Variants in TBC1D4 observed in about 807,000 individuals in gnomAD.
TBC1D4 encodes TBC (Tre-2, BUB2, CDC16) domain-containing protein.
Under a neutral mutation model 142.5 loss-of-function variants are expected in TBC1D4, and 121 were observed. The ratio of observed to expected loss-of-function variants is 0.85; its 90% CI spans 0.73 to 0.99. The LOEUF (loss-of-function observed/expected upper bound fraction) is 0.99. Among genes scored for constraint, TBC1D4 ranks in the 50% least tolerant of loss-of-function variants. TBC1D4 has a pLI of 0.00. For synonymous variants in TBC1D4, 630 were observed against 628.2 expected, an observed-to-expected ratio of 1.00 and a Z score of -0.04; for missense variants, 1,475 against 1,606.6, an observed-to-expected ratio of 0.92 and a Z score of 1.40.
chr13:75,477,585 C>T (rs1282291436), intron 1 of TBC1D4, among the ~76,000 whole-genome samples: 1 of 150,668 alleles, frequency 6.6e-6, no homozygotes, highest in Non-Finnish European at 1.5e-5. Context: ...AACAAAGTCT[C>T]ATATTTTCAA....
chr13:75,390,471 G>T (rs537517513), intron 1 of TBC1D4, among the ~76,000 whole-genome samples: 18 of 152,092 alleles, frequency 1.2e-4, no homozygotes, highest in Non-Finnish European at 2.1e-4. Context: ...TCTCAAAGGT[G>T]CTAATACTAA....
chr13:75,320,867 C>CAAAAAAA (rs148657060), intron 11 of TBC1D4, among the ~76,000 whole-genome samples: 476 of 83,972 alleles, frequency 5.7e-3, no homozygotes, highest in Non-Finnish European at 8.2e-3. Context: ...ACTAAAAATA[C>CAAAAAAA]AAAAAAAAAA....
At chr13:75,447,711 A>C (rs893119213) in intron 1 of TBC1D4, among the ~76,000 whole-genome samples, 1 of 151,980 alleles carries the variant, frequency 6.6e-6, no homozygotes, top group African/African-American at 2.4e-5. Context: ...ATGTACAGCC[A>C]CTCCCTATCT....
At chr13:75,424,676 G>C (rs1323770637) in intron 1 of TBC1D4, among the ~76,000 whole-genome samples, 2 of 152,166 alleles carry the variant, frequency 1.3e-5, no homozygotes, top group African/African-American at 2.4e-5. Context: ...ACATAGGCCA[G>C]TGGAATGGAA....
intron 16 of TBC1D4, 88 bp downstream of exon 16, chr13:75,302,155 A>T: frequency 2.0e-6 from 3 of 1,529,964 alleles, no homozygotes; most frequent in Non-Finnish European, 2.7e-6. Flanking sequence ...GCTCTTTATC[A>T]GCACCAAGAA....
At chr13:75,335,595 A>T (rs886622978) in intron 8 of TBC1D4, among the ~76,000 whole-genome samples, 1 of 152,144 alleles carries the variant, frequency 6.6e-6, no homozygotes, top group African/African-American at 2.4e-5. Context: ...ACCGGATCAC[A>T]GGGATGGATT....
intron 1 of TBC1D4, among the ~76,000 whole-genome samples, chr13:75,453,587 C>T (rs184441299): frequency 6.6e-6 from 1 of 152,064 alleles, no homozygotes; most frequent in African/African-American, 2.4e-5. Flanking sequence ...CTTGGCTGGG[C>T]GCGGTGGCTC....
At chr13:75,408,119 C>T (rs1047867791) in intron 1 of TBC1D4, among the ~76,000 whole-genome samples, 1 of 152,166 alleles carries the variant, frequency 6.6e-6, no homozygotes, top group Non-Finnish European at 1.5e-5. Context: ...CATATCTGGA[C>T]CTTACCCCCT....
intron 1 of TBC1D4, among the ~76,000 whole-genome samples, chr13:75,374,049 G>C (rs1355773736): frequency 1.3e-5 from 2 of 152,140 alleles, no homozygotes; most frequent in Non-Finnish European, 2.9e-5. Context: ...CTTGAAATCA[G>C]ATTAATAAAT....
At chr13:75,312,942 C>T (rs1425839274) in intron 12 of TBC1D4, 44 bp from the exon 13 acceptor site, 4 of 1,607,872 alleles carry the variant, frequency 2.5e-6, no homozygotes, top group Admixed American at 1.7e-5. Context: ...GAGAGCTGCA[C>T]ATCATGGCAC....
Position 75,299,546 on chromosome 13 carries a change from AAAGT to A in TBC1D4, c.2936_2939del (p.Tyr979PhefsTer16), listed in dbSNP as rs1329693151. 6.2e-7 allele frequency: 1 copy of A among 1,614,206 alleles called. No individual in the cohort carries two copies. The highest frequency in any genetic ancestry group is 8.5e-7 in the Non-Finnish European group (1 of 1,180,016). Reference sequence around the variant, plus strand: ...GCTGTCCTGGCCCAAGCTGTACTGAAAAGTAAGGGTGAGTAGGAAACGTCCTTCC... The same window carrying A: ...GCTGTCCTGGCCCAAGCTGTACTGAAAAGGGTGAGTAGGAAACGTCCTTCC... On this transcript the variant is annotated frameshift_variant, in exon 17 of 21. Transcript: ENST00000377636. LOFTEE classifies it high-confidence loss of function.
intron 1 of TBC1D4, among the ~76,000 whole-genome samples, chr13:75,447,003 T>C (rs776814450): frequency 2.6e-5 from 4 of 152,138 alleles, no homozygotes; most frequent in Non-Finnish European, 2.9e-5. Flanking sequence ...TGGAATATTA[T>C]AGATTGAAGG....
chr13:75,460,758 T>C (rs978100211), intron 1 of TBC1D4, among the ~76,000 whole-genome samples: 3 of 151,488 alleles, frequency 2.0e-5, no homozygotes, highest in Non-Finnish European at 4.4e-5. Flanking sequence ...TCATCTTCAC[T>C]AAAAATAAAA....
Position 75,292,227 on chromosome 13 carries a change from G to A in TBC1D4, c.3361C>T (p.Leu1121Phe). The change falls in exon 19 of 21, where the codon CTC becomes TTC. Residue 1121 changes from leucine to phenylalanine, a missense_variant. By Grantham distance (22) the Leu-to-Phe change is conservative (BLOSUM62 0). Transcript: ENST00000377636. ...QGTEVIFKVA[L>F]SLLSSQETLI... ...GTCTCTTGGCTGCTCAGTAGGCTGAGTGCAACCTTGAATATAACTTCAGTT... is the reference window on the plus strand; with the variant it reads ...GTCTCTTGGCTGCTCAGTAGGCTGAATGCAACCTTGAATATAACTTCAGTT... 1.2e-6 allele frequency: 2 copies of A among 1,613,154 alleles called. No individual in the cohort carries two copies. The highest frequency in any genetic ancestry group is 1.7e-6 in the Non-Finnish European group (2 of 1,179,552).
intron 1 of TBC1D4, among the ~76,000 whole-genome samples, chr13:75,379,336 G>A (rs1455825740): frequency 6.6e-6 from 1 of 152,038 alleles, no homozygotes; most frequent in East Asian, 1.9e-4. Context: ...AAATCAATAT[G>A]TGCAATGACA....
chr13:75,287,820 A>C (rs997802034), intron 20 of TBC1D4, among the ~76,000 whole-genome samples: 2 of 152,136 alleles, frequency 1.3e-5, no homozygotes, highest in Non-Finnish European at 2.9e-5. Flanking sequence ...ACCATATAGA[A>C]GCAGAGTTTT....
At chr13:75,419,021 C>T (rs532472914) in intron 1 of TBC1D4, among the ~76,000 whole-genome samples, 38 of 152,132 alleles carry the variant, frequency 2.5e-4, no homozygotes, top group Non-Finnish European at 5.3e-4. Flanking sequence ...CTGATCTAAA[C>T]GTTTGTTTTG....
At chr13:75,367,686 G>A (rs1373428830) in intron 1 of TBC1D4, among the ~76,000 whole-genome samples, 1 of 152,186 alleles carries the variant, frequency 6.6e-6, no homozygotes, top group Non-Finnish European at 1.5e-5. Flanking sequence ...GGGAAGGGTA[G>A]ATTTCCTTTA....
At chr13:75,337,224 C>A (rs962027472) in intron 7 of TBC1D4, among the ~76,000 whole-genome samples, 184 bp from the exon 8 acceptor site, 1 of 152,122 alleles carries the variant, frequency 6.6e-6, no homozygotes, top group Non-Finnish European at 1.5e-5. Context: ...TTTAATTTTT[C>A]ATATTGTATG....
Sources: allele counts gnomAD v4.1 joint callset (sites outside exome capture counted in the v4.1 genomes callset), GRCh38; gene constraint gnomAD v4.1.1; transcripts MANE v1.5; gene names NCBI Gene and HGNC (gene_info 2026-07-23, HGNC 2026-07-21).